Variants in DMD observed in about 807,000 individuals in gnomAD.
The protein encoded by DMD is mutant dystrophin.
Under a neutral mutation model 330.1 loss-of-function variants are expected in DMD, and 63 were observed. The observed-to-expected ratio is 0.19, with a 90% CI of 0.16 to 0.24. DMD has a LOEUF of 0.24. DMD is among the 10% of genes least tolerant of loss of function. The pLI, the probability that DMD is intolerant of heterozygous loss-of-function variation, is 1.00. For synonymous variants in DMD, 1,223 were observed against 959.8 expected, an observed-to-expected ratio of 1.27 and a Z score of -5.07; for missense variants, 3,344 against 2,684.1, an observed-to-expected ratio of 1.25 and a Z score of -5.43.
In DMD at chrX:33,113,458, T is replaced by C. The variant is rs745794265; in HGVS notation, c.32-93258A>G. Among the ~76,000 whole-genome samples, 11 of 112,377 alleles carry C rather than the reference T, an allele frequency of 9.8e-5. No homozygotes were observed. In the East Asian group the frequency reaches 3.1e-3, roughly 32 times the overall value. On this transcript the variant is annotated intron_variant, in intron 1 of 78. Transcript: ENST00000357033. Reference sequence around the variant, plus strand: ...TAAAAATTTTAGAGTTCTTGATCTTTGAATGAAGTTGGTCTCCCAATAAAT... The same window carrying C: ...TAAAAATTTTAGAGTTCTTGATCTTCGAATGAAGTTGGTCTCCCAATAAAT...
At chrX:31,441,111 T>G (rs765463454) in intron 60 of DMD, among the ~76,000 whole-genome samples, 2 of 112,663 alleles carry the variant, frequency 1.8e-5, no homozygotes, top group South Asian at 7.3e-4. Context: ...ATCTTTCTAT[T>G]ATACTATTTT....
chrX:32,343,351 T>A (rs2097753848), intron 39 of DMD, 65 bp from the exon 40 acceptor site: 1 of 1,015,387 alleles, frequency 9.8e-7, no homozygotes, highest in Non-Finnish European at 1.4e-6. Flanking sequence ...TGGCTGCAGT[T>A]ATTTATCAAA....
intron 55 of DMD, among the ~76,000 whole-genome samples, chrX:31,569,998 C>CTATTATTATTATTATTGTATTATTG (rs761845780): frequency 9.0e-6 from 1 of 110,984 alleles, no homozygotes; most frequent in South Asian, 3.8e-4. Flanking sequence ...TGATACAACA[C>CTATTATTATTATTATTGTATTATTG]TATTAACAAA....
chrX:32,336,017 GTGTATATATAACGT>G (rs1428130465), intron 41 of DMD, among the ~76,000 whole-genome samples: 3 of 92,866 alleles, frequency 3.2e-5, no homozygotes, highest in Non-Finnish European at 6.3e-5. Flanking sequence ...TATATATAAC[GTGTATATATAACGT>G]TATATATAAC....
At position 32,538,951 on chromosome X, in the gene DMD, A is replaced by T. The variant is rs543272890; in HGVS notation, c.2168+6208T>A. On this transcript the variant is annotated intron_variant, in intron 17 of 78. Coordinates refer to ENST00000357033, the MANE Select transcript of DMD (RefSeq NM_004006.3). ...AGGGCCCTCCAAATCTGCATTTCAA[A>T]GAAGGTCCCAGGTGATGATACTGTT... Among the ~76,000 whole-genome samples the T allele has an allele frequency of 3.6e-5, 4 of 110,663 alleles. No homozygotes were observed. In the South Asian group the frequency reaches 1.2e-3, roughly 33 times the overall value.
intron 62 of DMD, among the ~76,000 whole-genome samples, chrX:31,276,338 T>C (rs141995978): frequency 0.015 from 1,641 of 112,037 alleles, 34 homozygotes; most frequent in African/African-American, 0.05. Flanking sequence ...GGATTACAGG[T>C]GTGAGCCACC....
At chrX:32,658,940 A>C (rs1367292995) in intron 9 of DMD, among the ~76,000 whole-genome samples, 1 of 111,965 alleles carries the variant, frequency 8.9e-6, no homozygotes, top group African/African-American at 3.2e-5. Flanking sequence ...ACACACCTGA[A>C]AATAGATATG....
At chrX:32,700,258 T>A (rs770049135) in intron 7 of DMD, among the ~76,000 whole-genome samples, 7 of 111,438 alleles carry the variant, frequency 6.3e-5, no homozygotes, top group Non-Finnish European at 1.1e-4. Flanking sequence ...AAGGAAATTT[T>A]GTCATTGAGA....
At chrX:32,644,063 C>T (rs932588931) in intron 11 of DMD, 69 bp downstream of exon 11, 6 of 958,787 alleles carry the variant, frequency 6.3e-6, no homozygotes, top group Non-Finnish European at 8.7e-6. Flanking sequence ...AACCATCAAA[C>T]CACATCAAAA....
chrX:32,953,706 T>C (rs1449762656), intron 2 of DMD, among the ~76,000 whole-genome samples: 1 of 112,298 alleles, frequency 8.9e-6, no homozygotes, highest in Non-Finnish European at 1.9e-5. Context: ...ATTGCCTTGA[T>C]AGAATAGCCC....
intron 41 of DMD, among the ~76,000 whole-genome samples, chrX:32,330,371 C>T (rs1487416200): frequency 8.9e-6 from 1 of 111,828 alleles, no homozygotes; most frequent in East Asian, 2.8e-4. Flanking sequence ...TTTTATTCAT[C>T]TGTTCTCAGA....
intron 13 of DMD, among the ~76,000 whole-genome samples, chrX:32,590,014 G>C (rs10522007): frequency 0.22 from 24,924 of 111,437 alleles, 5,239 homozygotes; most frequent in African/African-American, 0.67. Flanking sequence ...TTTGCTAAAA[G>C]GTTCAGGAAA....
chrX:32,154,158 C>T (rs1371149218), intron 44 of DMD, among the ~76,000 whole-genome samples: 1 of 111,101 alleles, frequency 9.0e-6, no homozygotes, highest in African/African-American at 3.3e-5. Context: ...TTTATTAAAA[C>T]ACAGCATACA....
At chrX:32,709,444 G>T (rs57296933) in intron 7 of DMD, among the ~76,000 whole-genome samples, 15,118 of 111,256 alleles carry the variant, frequency 0.14, 2,396 homozygotes, top group African/African-American at 0.46. Flanking sequence ...TTTTTGAATA[G>T]TGAATAGAAT....
chrX:31,344,039 G>GA (rs1417894317), intron 61 of DMD, among the ~76,000 whole-genome samples: 1 of 58,930 alleles, frequency 1.7e-5, no homozygotes, highest in Non-Finnish European at 3.1e-5. Context: ...TTGGAGTGCG[G>GA]GGGGGGGTGG....
chrX:32,432,149 A>C (rs1255308347), intron 29 of DMD, among the ~76,000 whole-genome samples: 1 of 111,877 alleles, frequency 8.9e-6, no homozygotes, highest in African/African-American at 3.2e-5. Flanking sequence ...TTGCACTCAC[A>C]GTGAGAAGAC....
rs779623577 is a variant in DMD, at chrX:32,757,053, G to A, written c.649+52440C>T. Among the ~76,000 whole-genome samples, 126 of 110,619 alleles carry A rather than the reference G, an allele frequency of 1.1e-3. 1 individual carries two copies. The Admixed American group carries it at 0.012, about 11-fold the overall frequency. On this transcript the variant is annotated intron_variant, in intron 7 of 78. Coordinates refer to ENST00000357033, the MANE Select transcript of DMD (RefSeq NM_004006.3). ...TTAGCTCCATTTTTTTTCTAATTTC[G>A]AATTTACTTAACATGACAAATTTTA...
intron 1 of DMD, among the ~76,000 whole-genome samples, chrX:33,118,375 G>C (rs1186318433): frequency 1.8e-5 from 2 of 111,203 alleles, no homozygotes; most frequent in Admixed American, 9.6e-5. Flanking sequence ...CTCCCAAAGT[G>C]CTGGGATTAC....
chrX:32,522,642 T>G (rs1220342189), intron 17 of DMD, among the ~76,000 whole-genome samples: 1 of 112,388 alleles, frequency 8.9e-6, no homozygotes, highest in African/African-American at 3.2e-5. Flanking sequence ...CTTTATAATC[T>G]GGCCTTCATA....
Sources: allele counts gnomAD v4.1 joint callset (sites outside exome capture counted in the v4.1 genomes callset), GRCh38; gene constraint gnomAD v4.1.1; transcripts MANE v1.5; gene names NCBI Gene and HGNC (gene_info 2026-07-23, HGNC 2026-07-21).